The following MRC2 variants were observed in gnomAD, a reference collection of about 807,000 sequenced individuals.
MRC2 encodes the protein C-type mannose receptor 2.
Under a neutral mutation model 206.2 loss-of-function variants are expected in MRC2, and 84 were observed. That is an observed-to-expected ratio of 0.41 (90% CI 0.34 to 0.49). MRC2 has a LOEUF of 0.49. MRC2 is among the 20% of genes least tolerant of loss of function. The pLI is 0.31. For missense variants in MRC2, 1,676 were observed against 2,001.5 expected (o/e 0.84, Z 3.10); for synonymous variants, 798 against 800.0 (o/e 1.00, Z 0.04).
In MRC2 at chr17:62,677,434, G is replaced by C; in HGVS notation, c.2000G>C (p.Gly667Ala). 2 of 1,611,616 alleles carry C rather than the reference G, an allele frequency of 1.2e-6. No homozygotes were observed. The highest frequency in any genetic ancestry group is 1.7e-6 in the Non-Finnish European group (2 of 1,179,292). The change falls in exon 12 of 30, where the codon GGC becomes GCC. Residue 667 changes from glycine to alanine, a missense_variant. Physicochemically the swap from Gly to Ala is moderately conservative, Grantham distance 60. Transcript: ENST00000303375. Reference protein sequence around the residue: ...PGPDPTPSLTGSCPQGWASDT... With the variant: ...PGPDPTPSLTASCPQGWASDT... ...CCAGATCCCACGCCCAGCCTCACTG[G>C]CTCCTGTCCCCAGGGCTGGGCCTCG...
At chr17:62,635,205 T>C (rs540765464) in intron 1 of MRC2, among the ~76,000 whole-genome samples, 1 of 150,598 alleles carries the variant, frequency 6.6e-6, no homozygotes, top group African/African-American at 2.4e-5. Context: ...TTTTTTTTTT[T>C]TTTTTTTCAG....
intron 1 of MRC2, among the ~76,000 whole-genome samples, chr17:62,643,204 T>C (rs2088428621): frequency 6.6e-6 from 1 of 151,816 alleles, no homozygotes; most frequent in Non-Finnish European, 1.5e-5. Flanking sequence ...GGCAGGTGCC[T>C]GTAATCTCAG....
chr17:62,632,286 G>T (rs2084222278), intron 1 of MRC2, among the ~76,000 whole-genome samples: 1 of 152,088 alleles, frequency 6.6e-6, no homozygotes, highest in African/African-American at 2.4e-5. Context: ...GCCCCTCGTG[G>T]AATTCCACCG....
chr17:62,662,762 A>G (rs938885969), intron 1 of MRC2, among the ~76,000 whole-genome samples: 37 of 152,106 alleles, frequency 2.4e-4, no homozygotes, highest in African/African-American at 8.7e-4. Context: ...ATACAAAAAA[A>G]TTAGCCAGGT....
At chr17:62,643,327 CAAAAA>C (rs59698063) in intron 1 of MRC2, among the ~76,000 whole-genome samples, 3 of 44,170 alleles carry the variant, frequency 6.8e-5, no homozygotes, top group South Asian at 1.0e-3. Flanking sequence ...GAAACTCCGT[CAAAAA>C]AAAAAAAAAA....
intron 1 of MRC2, among the ~76,000 whole-genome samples, chr17:62,650,828 G>A (rs1377582038): frequency 8.5e-5 from 13 of 152,156 alleles, no homozygotes; most frequent in Admixed American, 8.5e-4. Flanking sequence ...TGGTGCTGGT[G>A]TAATGATCAC....
Position 62,692,524 on chromosome 17 carries a change from C to T in MRC2, c.*73C>T. 4 of 1,423,776 alleles carry T rather than the reference C, an allele frequency of 2.8e-6. No homozygotes were observed. In the South Asian group the frequency reaches 5.2e-5, roughly 19 times the overall value. 88.2% of individuals were successfully genotyped at this position (1,423,776 alleles called of 1,614,324 possible). A position where few individuals can be genotyped will look rare whatever the true frequency, so the allele number is the denominator to read the frequency against. On this transcript the variant is annotated 3_prime_UTR_variant, in exon 30 of 30. Transcript: ENST00000303375. This position sits in a 1 kb window ranked among gnomAD's most constrained non-coding sequence, Gnocchi z 4.2. Reference sequence around the variant, plus strand: ...GGCCCTGGGTCAGTCTGGCCCCCCACCAGCTGCCTGTCCAGTTGGCCTATG... The same window carrying T: ...GGCCCTGGGTCAGTCTGGCCCCCCATCAGCTGCCTGTCCAGTTGGCCTATG...
intron 8 of MRC2, among the ~76,000 whole-genome samples, 197 bp from the exon 9 acceptor site, chr17:62,673,864 GAA>G (rs1455874548): frequency 6.6e-6 from 1 of 152,182 alleles, no homozygotes; most frequent in Non-Finnish European, 1.5e-5. Context: ...GTTTGCACAT[GAA>G]CTGCTTGTGC....
At chr17:62,648,990 C>G (rs1420679180) in intron 1 of MRC2, among the ~76,000 whole-genome samples, 1 of 152,212 alleles carries the variant, frequency 6.6e-6, no homozygotes, top group African/African-American at 2.4e-5. Flanking sequence ...GGACAGGAAG[C>G]CTTCTCTCCC....
rs1485890887 is a variant in MRC2 at position 62,652,542 on chromosome 17, T to C, written c.119-12006T>C. 1.3e-5 allele frequency among the ~76,000 whole-genome samples: 2 copies of C among 152,168 alleles called. No homozygotes were observed. Among genetic ancestry groups the C allele is most frequent in the Non-Finnish European group, 2.9e-5 (2 of 68,034 alleles). The stretch of plus-strand genomic sequence containing the variant: ...CTGCCGCGACTGGAGCCAGCCGTCG[T>C]TGTGAAAATTCCCCCCACGGGGAAG... On this transcript the variant is annotated intron_variant, in intron 1 of 29. Transcript: ENST00000303375. The surrounding 1 kb of genome is among the most constrained non-coding windows in gnomAD (Gnocchi z 4.6).
At chr17:62,648,835 T>C (rs1046789079) in intron 1 of MRC2, among the ~76,000 whole-genome samples, 2 of 152,228 alleles carry the variant, frequency 1.3e-5, no homozygotes, top group African/African-American at 4.8e-5. Flanking sequence ...CAGATTGCAG[T>C]GTCTGCTAAG....
Position 62,664,483 on chromosome 17 carries a change from A to G in MRC2, c.119-65A>G. On this transcript the variant is annotated intron_variant, in intron 1 of 29. Coordinates refer to ENST00000303375, the MANE Select transcript of MRC2 (RefSeq NM_006039.5). The surrounding 1 kb of genome is among the most constrained non-coding windows in gnomAD (Gnocchi z 4.7). Reference sequence around the variant, plus strand: ...CACATGGTAGGTGCCTGTCAGCCACACCGGTCATCAAGGGCCAACCAGGAG... The same window carrying G: ...CACATGGTAGGTGCCTGTCAGCCACGCCGGTCATCAAGGGCCAACCAGGAG... 6.5e-7 allele frequency: 1 copy of G among 1,529,902 alleles called. No homozygotes were observed. The highest frequency in any genetic ancestry group is 1.7e-4 in the Middle Eastern group (1 of 5,716). The allele number at this position is 1,529,902 out of a possible 1,614,324, so 94.8% of individuals were successfully genotyped here. A position where few individuals can be genotyped will look rare whatever the true frequency, so the allele number is the denominator to read the frequency against.
At chr17:62,685,893 C>T (rs2147489216) in intron 20 of MRC2, among the ~76,000 whole-genome samples, 1 of 152,290 alleles carries the variant, frequency 6.6e-6, no homozygotes, top group South Asian at 2.1e-4. Flanking sequence ...ACTGCCTGCC[C>T]TCACACATCT....
At chr17:62,653,785 G>A (rs2088585852) in intron 1 of MRC2, among the ~76,000 whole-genome samples, 1 of 152,098 alleles carries the variant, frequency 6.6e-6, no homozygotes, top group Non-Finnish European at 1.5e-5. Context: ...GCCGGTAGAG[G>A]GAAACCCACC....
At chr17:62,687,899 T>C (rs2089051944) in intron 20 of MRC2, among the ~76,000 whole-genome samples, 1 of 150,588 alleles carries the variant, frequency 6.6e-6, no homozygotes, top group South Asian at 2.1e-4. Flanking sequence ...AAAAAAAGTG[T>C]CCTAGAGATG....
At chr17:62,649,064 G>A (rs1293421838) in intron 1 of MRC2, among the ~76,000 whole-genome samples, 1 of 152,236 alleles carries the variant, frequency 6.6e-6, no homozygotes, top group African/African-American at 2.4e-5. Flanking sequence ...GAGGCTTGCG[G>A]AAGTGAGGCA....
rs2088879876 is a variant in MRC2, at chr17:62,675,496, A to G, written c.1570-294A>G. Reference sequence around the variant, plus strand: ...TCTTGGTTTAAATGCCCAAGAGAGGAGCCTGAAGGGCCATTCATCTTCCCG... The same window carrying G: ...TCTTGGTTTAAATGCCCAAGAGAGGGGCCTGAAGGGCCATTCATCTTCCCG... On this transcript the variant is annotated intron_variant, in intron 9 of 29. Coordinates refer to ENST00000303375, the MANE Select transcript of MRC2 (RefSeq NM_006039.5). The surrounding 1 kb of genome is among the most constrained non-coding windows in gnomAD (Gnocchi z 4.1). Among the ~76,000 whole-genome samples, 1 of 152,214 alleles carries G rather than the reference A, an allele frequency of 6.6e-6. No individual in the cohort carries two copies. Among genetic ancestry groups the G allele is most frequent in the African/African-American group, 2.4e-5 (1 of 41,446 alleles).
At chr17:62,629,611 C>A (rs1200305411) in intron 1 of MRC2, among the ~76,000 whole-genome samples, 2 of 152,214 alleles carry the variant, frequency 1.3e-5, no homozygotes. Flanking sequence ...GCTGCAGGTT[C>A]CTTCCCTCGG....
At chr17:62,632,803 G>A (rs1385362686) in intron 1 of MRC2, among the ~76,000 whole-genome samples, 1 of 152,148 alleles carries the variant, frequency 6.6e-6, no homozygotes, top group Non-Finnish European at 1.5e-5. Context: ...CCTTCCCAGG[G>A]ATCACCTCAG....
Sources: gnomAD v4.1 joint callset for allele counts (sites outside exome capture counted in the v4.1 genomes callset) on GRCh38, gnomAD v4.1.1 for gene constraint, Gnocchi (gnomAD v3.1) non-coding constraint, MANE v1.5 for transcripts, NCBI Gene and HGNC (gene_info 2026-07-23, HGNC 2026-07-21) for gene names.